Variants in FAT3 observed in about 807,000 individuals in gnomAD.
The protein encoded by FAT3 is protocadherin Fat 3.
In FAT3, 95 loss-of-function variants were observed where a neutral mutation model predicts 310.2. The observed-to-expected ratio is 0.31, with a 90% CI of 0.26 to 0.36. The LOEUF is 0.36. Ranked by LOEUF, FAT3 falls within the 10% of genes least tolerant of loss-of-function variation. The pLI is 1.00. For synonymous variants in FAT3, 2,314 were observed against 2,192.9 expected (o/e 1.06, Z -1.54); for missense variants, 5,408 against 5,715.6 (o/e 0.95, Z 1.74).
chr11:92,882,606 T>G, intron 23 of FAT3, 132 bp from the exon 24 acceptor site: 1 of 353,914 alleles, frequency 2.8e-6, no homozygotes, highest in Non-Finnish European at 4.7e-6. Context: ...ACCAACCATC[T>G]TTGTCCTGCT....
chr11:92,623,207 A>G (rs1340948776), intron 3 of FAT3, among the ~76,000 whole-genome samples: 1 of 152,060 alleles, frequency 6.6e-6, no homozygotes, highest in Non-Finnish European at 1.5e-5. Context: ...CATTAGTCAA[A>G]TCTGACTAAA....
chr11:92,663,408 C>A lies in FAT3; in HGVS notation c.3608-33976C>A, dbSNP rs12098912. Among the ~76,000 whole-genome samples the A allele has an allele frequency of 5.3e-3, 806 of 152,256 alleles. 10 individuals are homozygous for A. Among genetic ancestry groups the A allele is most frequent in the African/African-American group, 0.018 (739 of 41,558 alleles). On this transcript the variant is annotated intron_variant, in intron 3 of 27. Transcript: ENST00000525166. ...GCTAACGGAGATTACTAAGCAGAAT[C>A]AGACCTGCAGTTTAGGGAGAGTATA...
chr11:92,482,198 A>G (rs1471647707), intron 2 of FAT3, among the ~76,000 whole-genome samples: 1 of 152,162 alleles, frequency 6.6e-6, no homozygotes, highest in Non-Finnish European at 1.5e-5. Flanking sequence ...AGTGAACACT[A>G]TCAGATTGTT....
At chr11:92,602,301 C>A (rs2135591789) in intron 3 of FAT3, among the ~76,000 whole-genome samples, 1 of 152,256 alleles carries the variant, frequency 6.6e-6, no homozygotes, top group East Asian at 1.9e-4. Flanking sequence ...CAGAGTTTCA[C>A]CATGTTGGCC....
chr11:92,491,962 C>T (rs1472941626), intron 2 of FAT3, among the ~76,000 whole-genome samples: 1 of 152,010 alleles, frequency 6.6e-6, no homozygotes, highest in Non-Finnish European at 1.5e-5. Context: ...TATCCACAGC[C>T]CCTGTATCCA....
At chr11:92,357,690 T>G (rs1305571021) in intron 2 of FAT3, among the ~76,000 whole-genome samples, 2 of 152,132 alleles carry the variant, frequency 1.3e-5, no homozygotes, top group Non-Finnish European at 2.9e-5. Flanking sequence ...TTTTTTCTTT[T>G]TTTTTTAAAA....
chr11:92,593,569 C>T (rs929875825), intron 3 of FAT3, among the ~76,000 whole-genome samples: 2 of 151,882 alleles, frequency 1.3e-5, no homozygotes, highest in African/African-American at 4.8e-5. Flanking sequence ...TCCTTATAGT[C>T]AGTTGGCTGG....
intron 3 of FAT3, among the ~76,000 whole-genome samples, chr11:92,567,222 G>C (rs11020006): frequency 6.7e-4 from 68 of 101,104 alleles, no homozygotes; most frequent in African/African-American, 2.4e-3. Flanking sequence ...AAAAGTGGGC[G>C]AAGGACATGA....
chr11:92,795,506 G>A (rs1335321134), intron 9 of FAT3, among the ~76,000 whole-genome samples: 1 of 152,040 alleles, frequency 6.6e-6, no homozygotes, highest in Admixed American at 6.6e-5. Flanking sequence ...ATGGGTCAGT[G>A]TGTCAAAGAG....
chr11:92,239,574 C>T (rs1012586559), intron 1 of FAT3, among the ~76,000 whole-genome samples: 1 of 152,064 alleles, frequency 6.6e-6, no homozygotes, highest in Non-Finnish European at 1.5e-5. Context: ...TTATCACTTG[C>T]TGGAACTAAC....
intron 2 of FAT3, among the ~76,000 whole-genome samples, chr11:92,368,001 A>G (rs1225237690): frequency 6.6e-6 from 1 of 152,250 alleles, no homozygotes; most frequent in Admixed American, 6.5e-5. Context: ...GTTTAGAACA[A>G]GGAAAACAAT....
intron 3 of FAT3, among the ~76,000 whole-genome samples, chr11:92,648,621 C>G (rs1030997960): frequency 7.2e-5 from 11 of 152,206 alleles, no homozygotes; most frequent in Non-Finnish European, 1.2e-4. Flanking sequence ...TTTTCTGCCT[C>G]TGCCCAATCC....
chr11:92,725,773 C>T (rs182005608), intron 4 of FAT3, among the ~76,000 whole-genome samples: 1 of 152,222 alleles, frequency 6.6e-6, no homozygotes, highest in Admixed American at 6.5e-5. Flanking sequence ...AATTAGACAT[C>T]CCTTTCTCTG....
intron 2 of FAT3, among the ~76,000 whole-genome samples, chr11:92,440,619 T>C (rs1489194517): frequency 1.3e-5 from 2 of 152,024 alleles, no homozygotes; most frequent in Non-Finnish European, 2.9e-5. Flanking sequence ...GCATGGTCAG[T>C]GGTGGAGATG....
At chr11:92,620,153 GATTTTTA>G (rs1941016181) in intron 3 of FAT3, among the ~76,000 whole-genome samples, 2 of 151,998 alleles carry the variant, frequency 1.3e-5, no homozygotes, top group African/African-American at 4.8e-5. Flanking sequence ...ACATATATGA[GATTTTTA>G]AAAATGTACT....
At chr11:92,466,786 T>C (rs377486529) in intron 2 of FAT3, among the ~76,000 whole-genome samples, 3,945 of 134,808 alleles carry the variant, frequency 0.029, 64 homozygotes, top group Middle Eastern at 0.037. Flanking sequence ...CCTGTGTCCA[T>C]GTGTTCTCAT....
At chr11:92,806,137 T>A (rs956339756) in intron 11 of FAT3, among the ~76,000 whole-genome samples, 1 of 152,190 alleles carries the variant, frequency 6.6e-6, no homozygotes, top group Non-Finnish European at 1.5e-5. Flanking sequence ...GTACATATAG[T>A]GGATGCTCAA....
chr11:92,471,145 T>C (rs758364064), intron 2 of FAT3, among the ~76,000 whole-genome samples: 2 of 152,230 alleles, frequency 1.3e-5, no homozygotes, highest in African/African-American at 2.4e-5. Context: ...TCAGTGCTTT[T>C]AATATTTTCC....
intron 22 of FAT3, 49 bp from the exon 23 acceptor site, chr11:92,880,682 C>G (rs1949653313): frequency 6.3e-7 from 1 of 1,577,364 alleles, no homozygotes. Context: ...TCCAAGCACT[C>G]AGCCCTAGCA....
Sources: allele counts gnomAD v4.1 joint callset (sites outside exome capture counted in the v4.1 genomes callset), GRCh38; gene constraint gnomAD v4.1.1; transcripts MANE v1.5; gene names NCBI Gene and HGNC (gene_info 2026-07-23, HGNC 2026-07-21).